The following SLIT3 variants were observed in gnomAD, a reference collection of about 807,000 sequenced individuals.
The protein encoded by SLIT3 is slit homolog 3 protein.
In SLIT3, 68 loss-of-function variants were observed where a neutral mutation model predicts 184.0. The ratio of observed to expected loss-of-function variants is 0.37; its 90% CI spans 0.30 to 0.45. SLIT3 has a LOEUF of 0.45. Ranked by LOEUF, SLIT3 falls within the 20% of genes least tolerant of loss-of-function variation. The pLI is 1.00. For missense variants in SLIT3, 1,707 were observed against 2,026.0 expected (o/e 0.84, Z 3.02); for synonymous variants, 831 against 828.6 (o/e 1.00, Z -0.05).
Position 169,244,497 on chromosome 5 carries a change from C to CT in SLIT3, c.341+207dup, listed in dbSNP as rs1434823591. The stretch of plus-strand genomic sequence containing the variant: ...AAGCCCTGAAAGCTGATTCTAGCAA[C>CT]TTTTACAGAAAAGGAGTGTAAGTGG... On this transcript the variant is annotated intron_variant, in intron 3 of 35. Coordinates refer to ENST00000519560, the MANE Select transcript of SLIT3 (RefSeq NM_003062.4). 3.3e-5 allele frequency among the ~76,000 whole-genome samples: 5 copies of CT among 152,306 alleles called. No homozygotes were observed. In the East Asian group the frequency reaches 9.6e-4, roughly 29 times the overall value.
At chr5:168,833,392 G>T (rs1373814016) in intron 6 of SLIT3, among the ~76,000 whole-genome samples, 1 of 152,120 alleles carries the variant, frequency 6.6e-6, no homozygotes, top group Non-Finnish European at 1.5e-5. Flanking sequence ...GGGCTAACTG[G>T]GCTCAGCAAT....
At chr5:169,127,314 T>G (rs571388239) in intron 4 of SLIT3, among the ~76,000 whole-genome samples, 49 of 152,326 alleles carry the variant, frequency 3.2e-4, no homozygotes, top group Middle Eastern at 3.4e-3. Context: ...TTTCAATTAT[T>G]TATCAGAAAT....
At chr5:168,800,988 G>T (rs1756748060) in intron 9 of SLIT3, among the ~76,000 whole-genome samples, 1 of 152,034 alleles carries the variant, frequency 6.6e-6, no homozygotes, top group African/African-American at 2.4e-5. Context: ...CTTCACGGGA[G>T]ATTTCTAGGT....
At chr5:168,765,191 C>T (rs573761710) in intron 14 of SLIT3, among the ~76,000 whole-genome samples, 3 of 152,246 alleles carry the variant, frequency 2.0e-5, no homozygotes, top group South Asian at 2.1e-4. Context: ...TGGGGACAGC[C>T]GCCTATTAAA....
At chr5:169,184,211 A>C (rs1018826423) in intron 4 of SLIT3, among the ~76,000 whole-genome samples, 2 of 152,260 alleles carry the variant, frequency 1.3e-5, no homozygotes, top group African/African-American at 4.8e-5. Flanking sequence ...TAAGTTCAAA[A>C]TACTGAACCA....
At chr5:168,670,025 G>A (rs1442872822) in intron 34 of SLIT3, 34 bp from the exon 35 acceptor site, 1 of 1,593,424 alleles carries the variant, frequency 6.3e-7, no homozygotes, top group African/African-American at 1.3e-5. Flanking sequence ...AAGGGAACTG[G>A]ATCAGAGTTG....
chr5:169,080,860 G>A (rs1197272276), intron 4 of SLIT3, among the ~76,000 whole-genome samples: 2 of 152,098 alleles, frequency 1.3e-5, no homozygotes, highest in African/African-American at 2.4e-5. Context: ...GCTCTGGAGA[G>A]CATTTGTGCT....
intron 15 of SLIT3, 91 bp from the exon 16 acceptor site, chr5:168,761,027 TCA>T: frequency 1.1e-6 from 1 of 940,112 alleles, no homozygotes; most frequent in Non-Finnish European, 1.7e-6. Flanking sequence ...TGCCTGAACC[TCA>T]CACTCGGTGA....
At chr5:169,273,441 G>A (rs1460116757) in intron 1 of SLIT3, among the ~76,000 whole-genome samples, 1 of 152,176 alleles carries the variant, frequency 6.6e-6, no homozygotes, top group Non-Finnish European at 1.5e-5. Context: ...AATTGCCCAG[G>A]AGAAAGTCAT....
At chr5:169,026,957 G>T (rs534214498) in intron 4 of SLIT3, among the ~76,000 whole-genome samples, 1 of 152,232 alleles carries the variant, frequency 6.6e-6, no homozygotes, top group Non-Finnish European at 1.5e-5. Context: ...CTGAATGAGG[G>T]GATATTGTGT....
chr5:169,138,798 C>T (rs1049954975), intron 4 of SLIT3, among the ~76,000 whole-genome samples: 3 of 152,232 alleles, frequency 2.0e-5, no homozygotes, highest in Admixed American at 6.5e-5. Context: ...GGGTATCCCA[C>T]AATCTCTGAC....
At chr5:168,840,158 G>A (rs964086926) in intron 6 of SLIT3, among the ~76,000 whole-genome samples, 3 of 152,196 alleles carry the variant, frequency 2.0e-5, no homozygotes, top group East Asian at 3.9e-4. Context: ...GACCTGTTGG[G>A]ATCTCCATGC....
chr5:168,813,330 A>C (rs62378500), intron 8 of SLIT3, among the ~76,000 whole-genome samples: 4 of 144,748 alleles, frequency 2.8e-5, no homozygotes, highest in Non-Finnish European at 4.6e-5. Context: ...AAAAAAAAAA[A>C]CCAACAACTT....
At chr5:168,676,713 G>A (rs1427242770) in intron 32 of SLIT3, among the ~76,000 whole-genome samples, 2 of 136,066 alleles carry the variant, frequency 1.5e-5, no homozygotes, top group Admixed American at 1.5e-4. Context: ...TCACCACCCT[G>A]GAGGTGTGTC....
intron 3 of SLIT3, among the ~76,000 whole-genome samples, chr5:169,214,829 CT>C (rs1224155455): frequency 5.9e-5 from 9 of 152,294 alleles, no homozygotes; most frequent in African/African-American, 1.9e-4. Context: ...TGCTTCCCTC[CT>C]TTTCACTTGA....
rs1396915914 is a variant in SLIT3 at position 168,663,380 on chromosome 5, A to G, written c.*3074T>C. ...GATCCTCTTCAAGAGCAGAGCTTCT[A>G]AGCTACCATAGACATTTGTGATCCA... On this transcript the variant is annotated 3_prime_UTR_variant, in exon 36 of 36. Transcript: ENST00000519560. The G allele has an allele frequency of 1.3e-5, 2 of 152,224 alleles. No homozygotes were observed. Among genetic ancestry groups the G allele is most frequent in the Non-Finnish European group, 1.5e-5 (1 of 68,086 alleles). The allele number at this position is 152,224 out of a possible 1,614,324, so 9.4% of individuals were successfully genotyped here. A position where few individuals can be genotyped will look rare whatever the true frequency, so the allele number is the denominator to read the frequency against.
chr5:168,797,320 G>A (rs903622672), intron 9 of SLIT3, among the ~76,000 whole-genome samples: 7 of 152,222 alleles, frequency 4.6e-5, no homozygotes, highest in Non-Finnish European at 1.0e-4. Flanking sequence ...CAGTCAGGTG[G>A]TGCGTGCTCT....
At position 168,671,140 on chromosome 5, in the gene SLIT3, A is replaced by G. The variant is rs1024166131; in HGVS notation, c.4127+58T>C. On this transcript the variant is annotated intron_variant, in intron 34 of 35. Coordinates refer to ENST00000519560, the MANE Select transcript of SLIT3 (RefSeq NM_003062.4). Reference sequence around the variant, plus strand: ...GTAGTGCCTATTTCTCAGGTGGGGTAGGGACTGAGGCCATTCTGGGAGCTC... The same window carrying G: ...GTAGTGCCTATTTCTCAGGTGGGGTGGGGACTGAGGCCATTCTGGGAGCTC... 3.5e-5 allele frequency: 55 copies of G among 1,558,808 alleles called. No homozygotes were observed. The African/African-American group carries it at 6.9e-4, about 19-fold the overall frequency.
At chr5:168,848,213 G>A (rs538722401) in intron 5 of SLIT3, among the ~76,000 whole-genome samples, 17 of 152,344 alleles carry the variant, frequency 1.1e-4, no homozygotes, top group East Asian at 3.9e-4. Context: ...AGCCCAAGCC[G>A]TATGGAATAA....
Sources: allele counts gnomAD v4.1 joint callset (sites outside exome capture counted in the v4.1 genomes callset), GRCh38; gene constraint gnomAD v4.1.1; transcripts MANE v1.5; gene names NCBI Gene and HGNC (gene_info 2026-07-23, HGNC 2026-07-21).